The following KCNIP4 variants were observed in gnomAD, a reference collection of about 807,000 sequenced individuals.
The protein encoded by KCNIP4 is Kv channel-interacting protein 4.
Under a neutral mutation model 34.0 loss-of-function variants are expected in KCNIP4, and 12 were observed. That is an observed-to-expected ratio of 0.35 (90% CI 0.23 to 0.57). KCNIP4 has a LOEUF of 0.57. KCNIP4 is among the 20% of genes least tolerant of loss of function. The pLI, the probability that KCNIP4 is intolerant of heterozygous loss-of-function variation, is 0.83. For missense variants in KCNIP4, 238 were observed against 311.7 expected (o/e 0.76, Z 1.78); for synonymous variants, 124 against 102.2 (o/e 1.21, Z -1.29).
intron 1 of KCNIP4, among the ~76,000 whole-genome samples, chr4:20,946,231 C>A (rs1732179306): frequency 1.3e-5 from 2 of 152,142 alleles, no homozygotes; most frequent in South Asian, 4.2e-4. Context: ...AGCTACTGCA[C>A]AGGTTCTGCC....
intron 1 of KCNIP4, among the ~76,000 whole-genome samples, chr4:21,729,407 T>G (rs1197704849): frequency 6.6e-6 from 1 of 152,166 alleles, no homozygotes; most frequent in African/African-American, 2.4e-5. Context: ...CTAGTACTAA[T>G]CTAGGTAATA....
chr4:21,239,664 C>T (rs1017458234), intron 1 of KCNIP4, among the ~76,000 whole-genome samples: 28 of 152,114 alleles, frequency 1.8e-4, no homozygotes, highest in African/African-American at 6.3e-4. Context: ...GCAAATCAAA[C>T]CACAATGAGA....
At chr4:21,099,407 AATG>A (rs1401281809) in intron 1 of KCNIP4, among the ~76,000 whole-genome samples, 2 of 152,184 alleles carry the variant, frequency 1.3e-5, no homozygotes, top group Non-Finnish European at 2.9e-5. Flanking sequence ...GTGGGAGCTG[AATG>A]ATGAGAACAC....
intron 1 of KCNIP4, among the ~76,000 whole-genome samples, chr4:21,345,514 GATTT>G (rs1717204122): frequency 6.6e-6 from 1 of 152,042 alleles, no homozygotes; most frequent in Admixed American, 6.6e-5. Flanking sequence ...AGGCAATTCT[GATTT>G]ATTAATCAAA....
At chr4:21,675,959 G>A (rs1749858567) in intron 1 of KCNIP4, among the ~76,000 whole-genome samples, 1 of 152,160 alleles carries the variant, frequency 6.6e-6, no homozygotes, top group African/African-American at 2.4e-5. Context: ...TTTAGCCCAA[G>A]AACAGGGTCC....
chr4:20,850,814 T>C (rs1159378908), intron 2 of KCNIP4, 147 bp from the exon 3 acceptor site: 38 of 801,784 alleles, frequency 4.7e-5, no homozygotes, highest in Non-Finnish European at 6.0e-5. Flanking sequence ...ATAAGGCCTT[T>C]ACATTTCCCA....
intron 3 of KCNIP4, among the ~76,000 whole-genome samples, chr4:20,800,745 GA>G (rs1714123250): frequency 6.6e-6 from 1 of 152,070 alleles, no homozygotes; most frequent in Non-Finnish European, 1.5e-5. Flanking sequence ...GGAAACAAAA[GA>G]AAAAGGAATG....
intron 1 of KCNIP4, among the ~76,000 whole-genome samples, chr4:21,259,885 CTGTGTGTG>C (rs4054880): frequency 0.079 from 11,489 of 145,968 alleles, 501 homozygotes; most frequent in South Asian, 0.21. Flanking sequence ...GCGCCCAAGA[CTGTGTGTG>C]TGTGTGTGTG....
intron 2 of KCNIP4, among the ~76,000 whole-genome samples, chr4:20,860,863 C>T (rs1242514984): frequency 6.6e-6 from 1 of 152,136 alleles, no homozygotes; most frequent in African/African-American, 2.4e-5. Context: ...GTTTAATGTT[C>T]AAGTCTGATA....
chr4:21,805,271 G>C (rs1056663577), intron 1 of KCNIP4, among the ~76,000 whole-genome samples: 1 of 152,168 alleles, frequency 6.6e-6, no homozygotes, highest in East Asian at 1.9e-4. Context: ...GTTGGGCTCT[G>C]TGTCTCCACC....
At chr4:21,488,790 A>G (rs144077082) in intron 1 of KCNIP4, among the ~76,000 whole-genome samples, 45 of 152,178 alleles carry the variant, frequency 3.0e-4, no homozygotes, top group African/African-American at 1.0e-3. Context: ...GATTAATCAA[A>G]CTGTCAGAGG....
At position 21,183,921 on chromosome 4, in the gene KCNIP4, C is replaced by G. The variant is rs182259475; in HGVS notation, c.62-301212G>C. On this transcript the variant is annotated intron_variant, in intron 1 of 8. Transcript: ENST00000382152. ...TCTACAGCAGCCCCTCCTTTCCTCT[C>G]CCTTCTCAGGCCATCACTCTCTATT... is the stretch of plus-strand genomic sequence containing the variant. 6.6e-5 allele frequency among the ~76,000 whole-genome samples: 10 copies of G among 152,228 alleles called. No individual in the cohort carries two copies. In the East Asian group the frequency reaches 1.9e-3, roughly 29 times the overall value.
chr4:20,770,479 A>AAG (rs1755771534), intron 3 of KCNIP4, among the ~76,000 whole-genome samples: 1 of 152,006 alleles, frequency 6.6e-6, no homozygotes, highest in South Asian at 2.1e-4. Context: ...TTGACCAAAA[A>AAG]AAAAAATACC....
At chr4:21,383,815 G>A (rs187908841) in intron 1 of KCNIP4, among the ~76,000 whole-genome samples, 1 of 152,236 alleles carries the variant, frequency 6.6e-6, no homozygotes, top group African/African-American at 2.4e-5. Flanking sequence ...TCTAGTCACT[G>A]TCCTTAAGTA....
chr4:21,311,325 C>T (rs1417140587), intron 1 of KCNIP4, among the ~76,000 whole-genome samples: 1 of 152,130 alleles, frequency 6.6e-6, no homozygotes. Context: ...CTTATACCCA[C>T]CCATGAAGCT....
chr4:21,420,223 T>C (rs1385334154), intron 1 of KCNIP4, among the ~76,000 whole-genome samples: 2 of 152,214 alleles, frequency 1.3e-5, no homozygotes, highest in Non-Finnish European at 2.9e-5. Flanking sequence ...TTTTTCTAAT[T>C]CAACTGTAAA....
rs112775428 is a variant in KCNIP4 at position 21,067,772 on chromosome 4, A to G, written c.62-185063T>C. ...TCCAGGAAGCTCAGCACAGAGAGAG[A>G]CCCTGTTTGTTTGGAGGGAATGTGG... is the stretch of plus-strand genomic sequence containing the variant. On this transcript the variant is annotated intron_variant, in intron 1 of 8. Transcript: ENST00000382152. Among the ~76,000 whole-genome samples, 650 of 152,052 alleles carry G rather than the reference A, an allele frequency of 4.3e-3. 4 individuals are homozygous for G. The highest frequency in any genetic ancestry group is 0.015 in the African/African-American group (620 of 41,466).
intron 1 of KCNIP4, among the ~76,000 whole-genome samples, chr4:21,516,513 G>A (rs559781440): frequency 3.9e-5 from 6 of 152,088 alleles, no homozygotes; most frequent in Non-Finnish European, 8.8e-5. Flanking sequence ...AAACTAAATT[G>A]GTTGTTGACA....
At chr4:21,355,728 G>A (rs902697734) in intron 1 of KCNIP4, among the ~76,000 whole-genome samples, 2 of 152,140 alleles carry the variant, frequency 1.3e-5, no homozygotes, top group Non-Finnish European at 2.9e-5. Flanking sequence ...AGGGTACAAA[G>A]AGGAGCTGGT....
Sources: allele counts gnomAD v4.1 joint callset (sites outside exome capture counted in the v4.1 genomes callset), GRCh38; gene constraint gnomAD v4.1.1; transcripts MANE v1.5; gene names NCBI Gene and HGNC (gene_info 2026-07-23, HGNC 2026-07-21).